The following NTM variants were observed in gnomAD, a reference collection of about 807,000 sequenced individuals.
The protein encoded by NTM is neurotrimin, also known as IgLON family member 2.
Under a neutral mutation model 42.1 loss-of-function variants are expected in NTM, and 13 were observed. The observed-to-expected ratio is 0.31, with a 90% CI of 0.20 to 0.49. NTM has a LOEUF of 0.49. Ranked by LOEUF, NTM falls within the 20% of genes least tolerant of loss-of-function variation. The pLI, the probability that NTM is intolerant of heterozygous loss-of-function variation, is 0.99. For synonymous variants in NTM, 187 were observed against 179.2 expected (o/e 1.04, Z -0.35); for missense variants, 373 against 452.8 (o/e 0.82, Z 1.60).
intron 1 of NTM, among the ~76,000 whole-genome samples, chr11:131,642,419 T>C (rs974354819): frequency 2.0e-5 from 3 of 152,148 alleles, no homozygotes; most frequent in East Asian, 1.9e-4. Flanking sequence ...GATGAAACAA[T>C]ATAAAACTCC....
chr11:132,068,022 A>G (rs2056784196), intron 2 of NTM, among the ~76,000 whole-genome samples: 2 of 152,220 alleles, frequency 1.3e-5, no homozygotes, highest in Non-Finnish European at 2.9e-5. Flanking sequence ...GGTCCTCCAC[A>G]GAATTTCTTA....
chr11:131,544,394 T>C (rs2053655167), intron 1 of NTM, among the ~76,000 whole-genome samples: 1 of 152,208 alleles, frequency 6.6e-6, no homozygotes, highest in Non-Finnish European at 1.5e-5. Context: ...CTCCTCTTCT[T>C]TCTCCAGCTC....
chr11:131,726,633 C>A (rs2135443598), intron 1 of NTM, among the ~76,000 whole-genome samples: 1 of 151,458 alleles, frequency 6.6e-6, no homozygotes, highest in East Asian at 1.9e-4. Context: ...TCCTTGTTGG[C>A]TCCTCTTCCC....
chr11:131,660,431 T>C (rs763828039), intron 1 of NTM: 4 of 455,840 alleles, frequency 8.8e-6, no homozygotes, highest in South Asian at 6.2e-5. Context: ...GCAGAGTCAT[T>C]TGAAAGAGCC....
intron 1 of NTM, among the ~76,000 whole-genome samples, chr11:131,552,194 G>C (rs2054764661): frequency 6.6e-6 from 1 of 152,126 alleles, no homozygotes; most frequent in African/African-American, 2.4e-5. Context: ...AAGAGAGAGA[G>C]AGGAAGAGAG....
intron 1 of NTM, among the ~76,000 whole-genome samples, chr11:131,553,866 A>G (rs1303543720): frequency 6.6e-6 from 1 of 152,316 alleles, no homozygotes; most frequent in East Asian, 1.9e-4. Context: ...ACGGTCATCT[A>G]CAACCCGTTG....
intron 2 of NTM, among the ~76,000 whole-genome samples, chr11:131,974,392 C>T (rs2064007211): frequency 6.6e-6 from 1 of 152,186 alleles, no homozygotes; most frequent in Non-Finnish European, 1.5e-5. Flanking sequence ...AGTCCTTTTG[C>T]ATTTTCCTTA....
intron 1 of NTM, among the ~76,000 whole-genome samples, chr11:131,878,587 AAAAAAAAATATATATATATATAT>A (rs1323171938): frequency 1.7e-5 from 1 of 58,578 alleles, no homozygotes; most frequent in East Asian, 5.9e-4. Flanking sequence ...AAAAAAAAAA[AAAAAAAAATATATATATATATAT>A]ATATATATAT....
chr11:131,913,621 C>T lies in NTM; in HGVS notation c.167+1973C>T, dbSNP rs553231436. On this transcript the variant is annotated intron_variant, in intron 2 of 8. Coordinates refer to ENST00000683400, the MANE Select transcript of NTM (RefSeq NM_001352005.2). ...TCATGGTTCTTTTTTCTCATTCTGC[C>T]GGTCCCCCTCTCTCTTTCAGCACTA... Among the ~76,000 whole-genome samples, 76 of 152,130 alleles carry T rather than the reference C, an allele frequency of 5.0e-4. 1 individual carries two copies. The highest frequency in any genetic ancestry group is 1.6e-4 in the Non-Finnish European group (11 of 67,956).
intron 2 of NTM, among the ~76,000 whole-genome samples, chr11:132,029,946 A>G (rs1254698829): frequency 6.6e-6 from 1 of 152,206 alleles, no homozygotes. Flanking sequence ...TGAATTTGTC[A>G]TATAACTAAG....
At chr11:131,809,519 A>G (rs1327289835) in intron 1 of NTM, among the ~76,000 whole-genome samples, 1 of 152,240 alleles carries the variant, frequency 6.6e-6, no homozygotes, top group Non-Finnish European at 1.5e-5. Flanking sequence ...GGAGAGAATG[A>G]CAGGCGGGTT....
At chr11:132,101,183 T>C (rs1273443221) in intron 2 of NTM, among the ~76,000 whole-genome samples, 7 of 152,270 alleles carry the variant, frequency 4.6e-5, no homozygotes, top group African/African-American at 1.7e-4. Context: ...TTTCTTCCTC[T>C]CCTGCCCTCC....
At chr11:131,950,274 A>G (rs2060829861) in intron 2 of NTM, among the ~76,000 whole-genome samples, 1 of 152,132 alleles carries the variant, frequency 6.6e-6, no homozygotes, top group Non-Finnish European at 1.5e-5. Context: ...GGCCCACAAC[A>G]CCTTCCTGCT....
intron 4 of NTM, among the ~76,000 whole-genome samples, chr11:132,293,550 G>C (rs903792958): frequency 5.9e-5 from 9 of 152,130 alleles, no homozygotes; most frequent in African/African-American, 2.2e-4. Context: ...ATGAAACAGC[G>C]GGTGTGAGAC....
At chr11:131,636,965 ATTGTCATCT>A (rs1219807296) in intron 1 of NTM, among the ~76,000 whole-genome samples, 1 of 152,042 alleles carries the variant, frequency 6.6e-6, no homozygotes, top group Non-Finnish European at 1.5e-5. Flanking sequence ...GGCTAGATAG[ATTGTCATCT>A]TTGAGATGAG....
At chr11:132,307,631 A>G (rs2095136132) in intron 4 of NTM, 58 bp from the exon 5 acceptor site, 4 of 1,605,070 alleles carry the variant, frequency 2.5e-6, no homozygotes, top group Middle Eastern at 3.3e-4. Context: ...TTTCTAAGTG[A>G]ACATGTTTGG....
At chr11:131,583,620 C>A (rs1254817793) in intron 1 of NTM, among the ~76,000 whole-genome samples, 1 of 152,024 alleles carries the variant, frequency 6.6e-6, no homozygotes, top group Non-Finnish European at 1.5e-5. Context: ...GTTATTCCAC[C>A]AAATATCCTA....
chr11:131,414,041 T>C (rs1946700822), intron 1 of NTM, among the ~76,000 whole-genome samples: 1 of 152,176 alleles, frequency 6.6e-6, no homozygotes. Flanking sequence ...CAACTGAACC[T>C]CAATTCATCG....
chr11:131,478,959 G>C (rs1459142938), intron 1 of NTM, among the ~76,000 whole-genome samples: 2 of 152,170 alleles, frequency 1.3e-5, no homozygotes, highest in African/African-American at 4.8e-5. Flanking sequence ...CGCAGCTCCA[G>C]GACTTGAGGA....
Sources: allele counts gnomAD v4.1 joint callset (sites outside exome capture counted in the v4.1 genomes callset), GRCh38; gene constraint gnomAD v4.1.1; transcripts MANE v1.5; gene names NCBI Gene and HGNC (gene_info 2026-07-23, HGNC 2026-07-21).